SLC25A21: variants seen among roughly 807,000 people sequenced by gnomAD.
The protein encoded by SLC25A21 is solute carrier family 25 member 21.
Under a neutral mutation model 43.8 loss-of-function variants are expected in SLC25A21, and 47 were observed. That is an observed-to-expected ratio of 1.07 (90% CI 0.85 to 1.37). The LOEUF (loss-of-function observed/expected upper bound fraction) is 1.37. Ranked by LOEUF, SLC25A21 falls within the 40% of genes most tolerant of loss-of-function variation. The pLI, the probability that SLC25A21 is intolerant of heterozygous loss-of-function variation, is 0.00. For missense variants in SLC25A21, 352 were observed against 350.2 expected (o/e 1.00, Z -0.04); for synonymous variants, 131 against 121.3 (o/e 1.08, Z -0.52).
intron 6 of SLC25A21, among the ~76,000 whole-genome samples, chr14:36,724,934 A>G (rs2139211318): frequency 6.6e-6 from 1 of 152,314 alleles, no homozygotes; most frequent in East Asian, 1.9e-4. Context: ...GCAATTGAAA[A>G]GAAGTTTTGC....
chr14:36,767,580 G>A (rs1886461700), intron 3 of SLC25A21, among the ~76,000 whole-genome samples: 1 of 152,162 alleles, frequency 6.6e-6, no homozygotes. Flanking sequence ...TAGGGAGAAG[G>A]GAACCATCAA....
intron 6 of SLC25A21, among the ~76,000 whole-genome samples, chr14:36,722,075 T>C (rs1884395227): frequency 6.6e-6 from 1 of 152,210 alleles, no homozygotes; most frequent in African/African-American, 2.4e-5. Flanking sequence ...TACCCACATG[T>C]TGGAAGTTAC....
chr14:36,940,582 TAAATA>T (rs1311900292), intron 1 of SLC25A21, among the ~76,000 whole-genome samples: 2 of 152,082 alleles, frequency 1.3e-5, no homozygotes, highest in Admixed American at 6.6e-5. Context: ...CATTTTTTTC[TAAATA>T]AAATAAGTCA....
intron 1 of SLC25A21, among the ~76,000 whole-genome samples, chr14:37,081,316 T>C (rs949556317): frequency 5.3e-5 from 8 of 152,096 alleles, no homozygotes; most frequent in East Asian, 1.9e-4. Flanking sequence ...CTTGAGAGAG[T>C]TGTAATTGAG....
At chr14:37,062,237 C>T (rs1961962594) in intron 1 of SLC25A21, among the ~76,000 whole-genome samples, 2 of 152,294 alleles carry the variant, frequency 1.3e-5, no homozygotes, top group South Asian at 2.1e-4. Context: ...CCAAATTCTA[C>T]AGGCATTGGA....
intron 1 of SLC25A21, among the ~76,000 whole-genome samples, chr14:36,992,488 C>A (rs1016612436): frequency 6.6e-6 from 1 of 152,038 alleles, no homozygotes; most frequent in African/African-American, 2.4e-5. Flanking sequence ...AGAAAGGCGC[C>A]TTTTTACATC....
chr14:37,142,851 A>G (rs1173301006), intron 1 of SLC25A21, among the ~76,000 whole-genome samples: 1 of 152,272 alleles, frequency 6.6e-6, no homozygotes, highest in Non-Finnish European at 1.5e-5. Context: ...GCAGTGGCCC[A>G]GTCTAGCTGG....
intron 1 of SLC25A21, among the ~76,000 whole-genome samples, chr14:37,027,232 ATGACT>A (rs1416231041): frequency 1.9e-4 from 28 of 145,918 alleles, no homozygotes; most frequent in African/African-American, 6.5e-4. Flanking sequence ...TCTAGGGATA[ATGACT>A]TGACAGCTAA....
intron 2 of SLC25A21, among the ~76,000 whole-genome samples, chr14:36,839,156 T>C (rs1256412262): frequency 6.6e-6 from 1 of 152,242 alleles, no homozygotes; most frequent in East Asian, 1.9e-4. Context: ...GTAATTAAAG[T>C]GCATTTACAG....
intron 7 of SLC25A21, among the ~76,000 whole-genome samples, chr14:36,701,151 C>T (rs1049135766): frequency 2.0e-5 from 3 of 152,174 alleles, no homozygotes; most frequent in Non-Finnish European, 2.9e-5. Flanking sequence ...AAAACATTTT[C>T]CTCCCAATGT....
chr14:37,020,312 C>T (rs965892079), intron 1 of SLC25A21, among the ~76,000 whole-genome samples: 1 of 151,774 alleles, frequency 6.6e-6, no homozygotes, highest in Non-Finnish European at 1.5e-5. Flanking sequence ...TATAACATTT[C>T]AAGATACTAG....
intron 3 of SLC25A21, among the ~76,000 whole-genome samples, chr14:36,753,239 T>C (rs1471450767): frequency 6.6e-6 from 1 of 152,098 alleles, no homozygotes; most frequent in Non-Finnish European, 1.5e-5. Flanking sequence ...ATGTGTATTA[T>C]GACATAATAA....
At position 36,952,496 on chromosome 14, in the gene SLC25A21, A is replaced by C. The variant is rs543363006; in HGVS notation, c.71-77492T>G. The C allele has an allele frequency of 2.0e-5, 3 of 152,330 alleles. No individual in the cohort carries two copies. The South Asian group carries it at 6.2e-4, about 32-fold the overall frequency. 9.4% of individuals were successfully genotyped at this position (152,330 alleles called of 1,614,324 possible). The stretch of plus-strand genomic sequence containing the variant: ...GTTGATAAGTTTCTTAAAAGGTAGA[A>C]TTCTTTTCTTAATTTTATTACTATA... On this transcript the variant is annotated intron_variant, in intron 1 of 9. Coordinates refer to ENST00000331299, the MANE Select transcript of SLC25A21 (RefSeq NM_030631.4).
chr14:37,164,388 C>A (rs1963997756), intron 1 of SLC25A21, among the ~76,000 whole-genome samples: 1 of 152,094 alleles, frequency 6.6e-6, no homozygotes, highest in South Asian at 2.1e-4. Flanking sequence ...ATAATGGGTT[C>A]CAGCCACCCT....
chr14:37,164,960 G>A (rs1964006943), intron 1 of SLC25A21, among the ~76,000 whole-genome samples: 1 of 152,212 alleles, frequency 6.6e-6, no homozygotes, highest in African/African-American at 2.4e-5. Context: ...TGTGTTTAGT[G>A]CAAGATTGGA....
chr14:36,766,544 T>G (rs145438100), intron 3 of SLC25A21, among the ~76,000 whole-genome samples: 6 of 152,310 alleles, frequency 3.9e-5, no homozygotes, highest in African/African-American at 1.4e-4. Context: ...TGACTTGATC[T>G]TAATCCTTTT....
At chr14:37,058,402 T>C (rs1457261900) in intron 1 of SLC25A21, among the ~76,000 whole-genome samples, 1 of 152,190 alleles carries the variant, frequency 6.6e-6, no homozygotes, top group African/African-American at 2.4e-5. Flanking sequence ...GTGGCAATCT[T>C]TGTTTTATAT....
At chr14:36,848,995 A>T (rs576404555) in intron 2 of SLC25A21, among the ~76,000 whole-genome samples, 1 of 152,288 alleles carries the variant, frequency 6.6e-6, no homozygotes, top group Admixed American at 6.5e-5. Context: ...ACTTTCCAGG[A>T]TATTCTCTTA....
intron 1 of SLC25A21, among the ~76,000 whole-genome samples, chr14:37,123,144 A>G (rs17106370): frequency 0.041 from 6,176 of 152,260 alleles, 437 homozygotes; most frequent in African/African-American, 0.14. Context: ...AGCATTTGGA[A>G]AAAGAAAATA....
Sources: gnomAD v4.1 joint callset for allele counts (sites outside exome capture counted in the v4.1 genomes callset) on GRCh38, gnomAD v4.1.1 for gene constraint, MANE v1.5 for transcripts, NCBI Gene and HGNC (gene_info 2026-07-23, HGNC 2026-07-21) for gene names.